CCDC126: variants seen among roughly 807,000 people sequenced by gnomAD.
CCDC126 encodes the protein coiled-coil domain containing 126.
In CCDC126, 5 loss-of-function variants were observed where a neutral mutation model predicts 11.7. The observed-to-expected ratio is 0.43, with a 90% confidence interval of 0.22 to 0.90. CCDC126 has a LOEUF of 0.90. Among genes scored for constraint, CCDC126 ranks in the 40% least tolerant of loss-of-function variants. The probability of loss-of-function intolerance (pLI) is 0.27; values close to 1 mark genes in which losing one functional copy is unlikely to be tolerated. For synonymous variants in CCDC126, 60 were observed against 61.9 expected (o/e 0.97, Z 0.14); for missense variants, 150 against 163.1 (o/e 0.92, Z 0.44).
At chr7:23,602,883 C>T (rs555734072) in intron 2 of CCDC126, among the ~76,000 whole-genome samples, 2 of 151,902 alleles carry the variant, frequency 1.3e-5, no homozygotes, top group Non-Finnish European at 2.9e-5. Flanking sequence ...AAATAGTATC[C>T]AGAAAAACAG....
intron 3 of CCDC126, among the ~76,000 whole-genome samples, chr7:23,630,067 A>G (rs1584212534): frequency 6.6e-6 from 1 of 152,360 alleles, no homozygotes; most frequent in South Asian, 2.1e-4. Context: ...AAGGAAAGAG[A>G]CCAGCCTTAC....
At chr7:23,609,085 T>C (rs1782664396) in intron 2 of CCDC126, among the ~76,000 whole-genome samples, 1 of 152,156 alleles carries the variant, frequency 6.6e-6, no homozygotes, top group African/African-American at 2.4e-5. Flanking sequence ...ATCTCAAGCA[T>C]TGATCTTCAG....
intron 2 of CCDC126, among the ~76,000 whole-genome samples, chr7:23,607,425 T>C (rs773299461): frequency 6.6e-6 from 1 of 152,212 alleles, no homozygotes; most frequent in African/African-American, 2.4e-5. Context: ...TCTTCTGTTA[T>C]TTGCAGCTTT....
chr7:23,641,459 T>C (rs1436873731), intron 3 of CCDC126, among the ~76,000 whole-genome samples: 1 of 152,232 alleles, frequency 6.6e-6, no homozygotes, highest in Admixed American at 6.5e-5. Flanking sequence ...TAGGTTGTCT[T>C]TTCATTTTCT....
chr7:23,620,417 G>T (rs1311140612), intron 3 of CCDC126, among the ~76,000 whole-genome samples: 3 of 151,406 alleles, frequency 2.0e-5, no homozygotes, highest in South Asian at 2.1e-4. Flanking sequence ...TCACCCACTT[G>T]TTGATGGGGT....
intron 3 of CCDC126, among the ~76,000 whole-genome samples, chr7:23,626,553 A>ACC (rs1783019333): frequency 6.6e-6 from 1 of 152,104 alleles, no homozygotes; most frequent in South Asian, 2.1e-4. Context: ...GATTTGTTAT[A>ACC]TAGATAAACA....
chr7:23,624,631 A>G (rs1782981642), intron 3 of CCDC126, among the ~76,000 whole-genome samples: 1 of 152,096 alleles, frequency 6.6e-6, no homozygotes, highest in Admixed American at 6.5e-5. Flanking sequence ...ATAAAACTGT[A>G]TTTTCAAAGA....
chr7:23,632,140 C>T (rs1360218054), intron 3 of CCDC126, among the ~76,000 whole-genome samples: 2 of 146,332 alleles, frequency 1.4e-5, no homozygotes, highest in Non-Finnish European at 3.0e-5. Context: ...GTTGCCCAGG[C>T]TGGACTGCAG....
intron 3 of CCDC126, among the ~76,000 whole-genome samples, chr7:23,613,401 A>G (rs563368381): frequency 1.3e-5 from 2 of 152,142 alleles, no homozygotes; most frequent in African/African-American, 4.8e-5. Context: ...TTCTACTCCC[A>G]AAAGTCCTCA....
chr7:23,633,064 C>T (rs1193328106), intron 3 of CCDC126, among the ~76,000 whole-genome samples: 1 of 152,280 alleles, frequency 6.6e-6, no homozygotes, highest in East Asian at 1.9e-4. Context: ...GCGATCTCGG[C>T]TCACCATAAC....
At chr7:23,606,485 T>C (rs1430785910) in intron 2 of CCDC126, among the ~76,000 whole-genome samples, 1 of 152,160 alleles carries the variant, frequency 6.6e-6, no homozygotes, top group East Asian at 1.9e-4. Context: ...GAAGAATGGA[T>C]TGAAGTAGGG....
intron 3 of CCDC126, among the ~76,000 whole-genome samples, chr7:23,625,402 A>G (rs1345309478): frequency 6.6e-6 from 1 of 152,204 alleles, no homozygotes; most frequent in Non-Finnish European, 1.5e-5. Flanking sequence ...CTACCAATTT[A>G]CATTCTTACT....
chr7:23,641,283 C>T (rs1783351609), intron 3 of CCDC126, among the ~76,000 whole-genome samples: 1 of 152,062 alleles, frequency 6.6e-6, no homozygotes, highest in South Asian at 2.1e-4. Flanking sequence ...TTTTCATGTA[C>T]TTACTGGCCA....
In CCDC126 at chr7:23,613,877, G is replaced by A. The variant is rs1782755744; in HGVS notation, c.238+2324G>A. On this transcript the variant is annotated intron_variant, in intron 3 of 3. Transcript: ENST00000307471. ...TATACTGTAATCTCTTAAGTGTGCA[G>A]TAGCATTATGTCTTAAAAAACAATG... Among the ~76,000 whole-genome samples, 5 of 152,184 alleles carry A rather than the reference G, an allele frequency of 3.3e-5. No individual in the cohort carries two copies. The South Asian group carries it at 1.0e-3, about 31-fold the overall frequency.
chr7:23,636,585 C>A (rs1368449597), intron 3 of CCDC126, among the ~76,000 whole-genome samples: 2 of 128,888 alleles, frequency 1.6e-5, no homozygotes, highest in Non-Finnish European at 3.3e-5. Flanking sequence ...CGTCTCTGCC[C>A]GGCCGCCCCG....
At chr7:23,609,733 A>T (rs535631076) in intron 2 of CCDC126, among the ~76,000 whole-genome samples, 1 of 151,952 alleles carries the variant, frequency 6.6e-6, no homozygotes, top group Non-Finnish European at 1.5e-5. Flanking sequence ...GTGGTGGTGC[A>T]TGCCTGTGGT....
At chr7:23,614,741 G>A (rs1379572261) in intron 3 of CCDC126, among the ~76,000 whole-genome samples, 1 of 152,222 alleles carries the variant, frequency 6.6e-6, no homozygotes, top group Non-Finnish European at 1.5e-5. Flanking sequence ...CTTCAGAGCT[G>A]TTGGGTGACT....
chr7:23,627,174 A>G (rs569898477), intron 3 of CCDC126, among the ~76,000 whole-genome samples: 1 of 152,234 alleles, frequency 6.6e-6, no homozygotes, highest in South Asian at 2.1e-4. Flanking sequence ...CTTTCTTTTA[A>G]GGGTTTTGGC....
intron 3 of CCDC126, among the ~76,000 whole-genome samples, chr7:23,616,433 CAG>C (rs1476800091): frequency 3.9e-5 from 6 of 152,174 alleles, no homozygotes; most frequent in Non-Finnish European, 5.9e-5. Context: ...TTTAAGGGAA[CAG>C]ATCTTCTGGT....
Sources: allele counts gnomAD v4.1 joint callset (sites outside exome capture counted in the v4.1 genomes callset), GRCh38; gene constraint gnomAD v4.1.1; transcripts MANE v1.5; gene names NCBI Gene and HGNC (gene_info 2026-07-23, HGNC 2026-07-21).